Variants in BICD1 observed in about 807,000 individuals in gnomAD.
BICD1 encodes the protein protein bicaudal D homolog 1.
A neutral mutation model predicts 92.5 loss-of-function variants in BICD1; 35 were observed. The observed-to-expected ratio is 0.38, with a 90% CI of 0.29 to 0.50. The LOEUF is 0.50. Ranked by LOEUF, BICD1 falls within the 20% of genes least tolerant of loss-of-function variation. The pLI is 0.93. For synonymous variants in BICD1, 429 were observed against 465.1 expected (o/e 0.92, Z 1.00); for missense variants, 950 against 1,189.8 (o/e 0.80, Z 2.97).
At chr12:32,293,755 T>C (rs1160585677) in intron 2 of BICD1, among the ~76,000 whole-genome samples, 1 of 152,250 alleles carries the variant, frequency 6.6e-6, no homozygotes, top group Non-Finnish European at 1.5e-5. Flanking sequence ...TTTGTTTCTG[T>C]TTCTATTTAC....
At chr12:32,219,426 C>T (rs1482339898) in intron 2 of BICD1, among the ~76,000 whole-genome samples, 1 of 152,042 alleles carries the variant, frequency 6.6e-6, no homozygotes, top group Non-Finnish European at 1.5e-5. Flanking sequence ...CTAGTCAGCT[C>T]TGCTGAAAGT....
At chr12:32,118,707 G>T (rs1312779093) in intron 1 of BICD1, among the ~76,000 whole-genome samples, 1 of 152,172 alleles carries the variant, frequency 6.6e-6, no homozygotes, top group Non-Finnish European at 1.5e-5. Context: ...TCTGCAGGGG[G>T]TCCTGGAACC....
In BICD1 at chr12:32,150,242, A is replaced by G. The variant is rs112799222; in HGVS notation, c.213+42698A>G. On this transcript the variant is annotated intron_variant, in intron 1 of 9. Transcript: ENST00000652176. ...GTGGGGACACAGCCAAACTGTATCA[A>G]CTATCATACCTCTTAATACTATCAC... Among the ~76,000 whole-genome samples, 786 of 152,324 alleles carry G rather than the reference A, an allele frequency of 5.2e-3. 8 individuals carry two copies. Among genetic ancestry groups the G allele is most frequent in the African/African-American group, 0.018 (763 of 41,574 alleles).
chr12:32,231,595 AT>A (rs927614539), intron 2 of BICD1, among the ~76,000 whole-genome samples: 1 of 143,666 alleles, frequency 7.0e-6, no homozygotes, highest in African/African-American at 2.7e-5. Flanking sequence ...TTATTTATTT[AT>A]TTATTATTAT....
chr12:32,280,746 C>T (rs577912095), intron 2 of BICD1, among the ~76,000 whole-genome samples: 2 of 152,360 alleles, frequency 1.3e-5, no homozygotes, highest in Admixed American at 6.5e-5. Context: ...TCACTCGTTG[C>T]TAATCAGGAC....
At chr12:32,135,243 C>T (rs1244315654) in intron 1 of BICD1, among the ~76,000 whole-genome samples, 1 of 151,914 alleles carries the variant, frequency 6.6e-6, no homozygotes, top group Non-Finnish European at 1.5e-5. Flanking sequence ...TGCATGCCAC[C>T]ATGCCTGGCT....
intron 2 of BICD1, among the ~76,000 whole-genome samples, chr12:32,283,491 G>C (rs708225): frequency 0.62 from 94,038 of 151,818 alleles, 30,145 homozygotes; most frequent in Middle Eastern, 0.77. Context: ...AGAGAAGGCA[G>C]AGAGTTAGGT....
chr12:32,195,077 G>A (rs1352259227), intron 1 of BICD1, among the ~76,000 whole-genome samples: 2 of 103,790 alleles, frequency 1.9e-5, no homozygotes, highest in East Asian at 2.7e-4. Flanking sequence ...CAGCCTGTGT[G>A]ACAGAGTGAG....
chr12:32,310,637 G>A (rs74998457), intron 4 of BICD1, among the ~76,000 whole-genome samples: 9,405 of 152,230 alleles, frequency 0.062, 410 homozygotes, highest in Middle Eastern at 0.13. Context: ...CTACGTGCAA[G>A]CAGTCATGCA....
intron 1 of BICD1, among the ~76,000 whole-genome samples, chr12:32,132,402 C>T (rs1446858660): frequency 1.5e-5 from 2 of 132,180 alleles, no homozygotes; most frequent in Admixed American, 8.4e-5. Flanking sequence ...GGCGACAGAG[C>T]GAGACTCTGT....
chr12:32,108,706 G>A (rs1309126360), intron 1 of BICD1: 2 of 691,552 alleles, frequency 2.9e-6, no homozygotes, highest in African/African-American at 3.5e-5. Flanking sequence ...GTGTAATATG[G>A]TAAGCATTTA....
Position 32,306,391 on chromosome 12 carries a change from C to G in BICD1, c.1005+269C>G, listed in dbSNP as rs61929080. On this transcript the variant is annotated intron_variant, in intron 4 of 9. Coordinates refer to ENST00000652176, the MANE Select transcript of BICD1 (RefSeq NM_001714.4). ...CCCGAGTAGCTGGGACTACAGGTGCCCGCCACCATGCCCGGCTAATTTTTT... is the reference window on the plus strand; with the variant it reads ...CCCGAGTAGCTGGGACTACAGGTGCGCGCCACCATGCCCGGCTAATTTTTT... 6.2e-3 allele frequency among the ~76,000 whole-genome samples: 937 copies of G among 151,820 alleles called. 10 individuals are homozygous for G. The highest frequency in any genetic ancestry group is 0.022 in the African/African-American group (899 of 41,432).
chr12:32,226,280 A>C (rs544010431), intron 2 of BICD1, among the ~76,000 whole-genome samples: 3 of 152,162 alleles, frequency 2.0e-5, no homozygotes, highest in Admixed American at 2.0e-4. Context: ...GACTACAGGC[A>C]CATGCCACCA....
intron 1 of BICD1, among the ~76,000 whole-genome samples, chr12:32,158,192 G>A (rs1943499525): frequency 6.8e-6 from 1 of 146,612 alleles, no homozygotes; most frequent in African/African-American, 2.5e-5. Flanking sequence ...TGCAACCTCC[G>A]CCTCCCGGGT....
At chr12:32,148,634 G>T (rs1423787689) in intron 1 of BICD1, among the ~76,000 whole-genome samples, 2 of 152,264 alleles carry the variant, frequency 1.3e-5, no homozygotes, top group South Asian at 2.1e-4. Flanking sequence ...CAGACAGGCA[G>T]GTAGGAACTT....
intron 2 of BICD1, among the ~76,000 whole-genome samples, chr12:32,284,051 CTT>C (rs1947491639): frequency 6.6e-6 from 1 of 152,242 alleles, no homozygotes; most frequent in Admixed American, 6.5e-5. Context: ...AAGATCAGGC[CTT>C]CTTGGCCCCA....
In BICD1 at chr12:32,338,827, C is replaced by CT; in HGVS notation, c.2614dup (p.Ser872PhefsTer15). Reference sequence around the variant, plus strand: ...CTTTGTGATCAGAGCCGTCCCAGGACTTCAGGGGCTTCCTACCTACAGAAT... The same window carrying CT: ...CTTTGTGATCAGAGCCGTCCCAGGACTTTCAGGGGCTTCCTACCTACAGAAT... On this transcript the variant is annotated frameshift_variant, in exon 8 of 10. Coordinates refer to ENST00000652176, the MANE Select transcript of BICD1 (RefSeq NM_001714.4). LOFTEE classifies it high-confidence loss of function. 6.2e-7 allele frequency: 1 copy of CT among 1,605,392 alleles called. No homozygotes were observed. The highest frequency in any genetic ancestry group is 8.5e-7 in the Non-Finnish European group (1 of 1,176,384).
chr12:32,265,289 G>A (rs1210931617), intron 2 of BICD1, among the ~76,000 whole-genome samples: 4 of 152,112 alleles, frequency 2.6e-5, no homozygotes, highest in Non-Finnish European at 5.9e-5. Context: ...ACAATAAAAA[G>A]CTAAGTCCTT....
intron 1 of BICD1, among the ~76,000 whole-genome samples, chr12:32,206,055 C>T (rs1018704587): frequency 2.6e-5 from 4 of 152,098 alleles, no homozygotes; most frequent in South Asian, 2.1e-4. Flanking sequence ...TTTTTATTGC[C>T]GATTAGTATT....
Sources: gnomAD v4.1 joint callset for allele counts (sites outside exome capture counted in the v4.1 genomes callset) on GRCh38, gnomAD v4.1.1 for gene constraint, MANE v1.5 for transcripts, NCBI Gene and HGNC (gene_info 2026-07-23, HGNC 2026-07-21) for gene names.